The following MYRIP variants were observed in gnomAD, a reference collection of about 807,000 sequenced individuals.
MYRIP encodes myosin VIIA and Rab interacting protein.
Under a neutral mutation model 98.0 loss-of-function variants are expected in MYRIP, and 49 were observed. The ratio of observed to expected loss-of-function variants is 0.50; its 90% CI spans 0.40 to 0.63. The LOEUF (loss-of-function observed/expected upper bound fraction) is 0.63. Among genes scored for constraint, MYRIP ranks in the 30% least tolerant of loss-of-function variants. MYRIP has a pLI of 0.00. For missense variants in MYRIP, 1,004 were observed against 1,058.2 expected (o/e 0.95, Z 0.71); for synonymous variants, 404 against 409.5 (o/e 0.99, Z 0.16).
intron 1 of MYRIP, among the ~76,000 whole-genome samples, chr3:39,864,110 T>TA (rs1043057852): frequency 2.0e-5 from 3 of 152,104 alleles, no homozygotes. Context: ...CCCTTCATGC[T>TA]AAAAAATCTC....
chr3:39,820,523 T>C (rs992165467), intron 1 of MYRIP, among the ~76,000 whole-genome samples: 17 of 152,210 alleles, frequency 1.1e-4, no homozygotes, highest in Admixed American at 1.1e-3. Context: ...TCAGAAAATA[T>C]GGCAGGTGCT....
intron 2 of MYRIP, among the ~76,000 whole-genome samples, chr3:39,985,636 C>G (rs1475361711): frequency 7.0e-6 from 1 of 143,748 alleles, no homozygotes; most frequent in Non-Finnish European, 1.5e-5. Flanking sequence ...CAGAACAGAG[C>G]CCTCAGAAAT....
chr3:40,146,591 C>T (rs897316690), intron 3 of MYRIP, among the ~76,000 whole-genome samples: 18 of 152,164 alleles, frequency 1.2e-4, no homozygotes, highest in Non-Finnish European at 2.1e-4. Context: ...AGTTCATCCT[C>T]CCTGTTGAAA....
At chr3:40,101,171 C>T (rs1004747574) in intron 3 of MYRIP, among the ~76,000 whole-genome samples, 10 of 152,188 alleles carry the variant, frequency 6.6e-5, no homozygotes, top group Middle Eastern at 3.2e-3. Context: ...CTCCAACACT[C>T]AACACATACA....
At chr3:40,210,871 G>A (rs1286169912) in intron 11 of MYRIP, among the ~76,000 whole-genome samples, 1 of 152,134 alleles carries the variant, frequency 6.6e-6, no homozygotes, top group Non-Finnish European at 1.5e-5. Context: ...CAGCATTGGG[G>A]TTTCCTCTAC....
chr3:40,019,420 C>A (rs1946941442), intron 2 of MYRIP, among the ~76,000 whole-genome samples: 1 of 152,152 alleles, frequency 6.6e-6, no homozygotes, highest in African/African-American at 2.4e-5. Flanking sequence ...TCCTGCACAT[C>A]CTTCCTGGCC....
intron 2 of MYRIP, among the ~76,000 whole-genome samples, chr3:39,982,790 A>T (rs1281528643): frequency 6.6e-6 from 1 of 152,158 alleles, no homozygotes; most frequent in Admixed American, 6.6e-5. Context: ...TGAAAACAGA[A>T]TTTTGAAAAC....
chr3:39,958,458 G>T (rs1312425533), intron 2 of MYRIP, among the ~76,000 whole-genome samples: 1 of 152,108 alleles, frequency 6.6e-6, no homozygotes, highest in Non-Finnish European at 1.5e-5. Context: ...AATGGTGCTG[G>T]GAAAACTGGC....
chr3:40,141,366 A>G (rs1321261420), intron 3 of MYRIP, among the ~76,000 whole-genome samples: 1 of 152,140 alleles, frequency 6.6e-6, no homozygotes, highest in Non-Finnish European at 1.5e-5. Context: ...TGTCCGATTA[A>G]TAGTCTGCCA....
intron 10 of MYRIP, among the ~76,000 whole-genome samples, chr3:40,207,274 A>G (rs1951813051): frequency 6.6e-6 from 1 of 152,154 alleles, no homozygotes; most frequent in Admixed American, 6.6e-5. Context: ...TTCTACATCA[A>G]GAATGCCTGT....
At chr3:40,155,340 C>T (rs1575581607) in intron 4 of MYRIP, among the ~76,000 whole-genome samples, 2 of 150,432 alleles carry the variant, frequency 1.3e-5, no homozygotes, top group African/African-American at 4.9e-5. Flanking sequence ...TTTATGGCTG[C>T]ATAGTATTCC....
chr3:39,890,795 G>A (rs968622941), intron 1 of MYRIP, among the ~76,000 whole-genome samples: 18 of 152,128 alleles, frequency 1.2e-4, no homozygotes, highest in African/African-American at 4.3e-4. Context: ...ATGATTCCTT[G>A]TATAATTGTC....
intron 3 of MYRIP, 115 bp downstream of exon 3, chr3:40,044,386 C>T: frequency 9.9e-7 from 1 of 1,011,368 alleles, no homozygotes; most frequent in Non-Finnish European, 1.5e-6. Flanking sequence ...AGAGTATTGA[C>T]CAAAGTAAAT....
intron 3 of MYRIP, among the ~76,000 whole-genome samples, chr3:40,071,526 G>A (rs1389367607): frequency 6.6e-6 from 1 of 151,932 alleles, no homozygotes; most frequent in Non-Finnish European, 1.5e-5. Flanking sequence ...TCAGTAGAAA[G>A]GGAGCAATTG....
At chr3:39,875,015 C>T (rs1942941221) in intron 1 of MYRIP, among the ~76,000 whole-genome samples, 2 of 152,092 alleles carry the variant, frequency 1.3e-5, no homozygotes, top group African/African-American at 2.4e-5. Flanking sequence ...GCCACAATTT[C>T]GGATACTGTT....
chr3:40,192,311 T>TATATATATGAC lies in MYRIP; in HGVS notation c.1665+1856_1665+1857insGACATATATAT, dbSNP rs201298530. ...TTACTGCGGCAGTTAGTTTTCTTCA[T>TATATATATGAC]ATATATATATATATGTCATATATAT... On this transcript the variant is annotated intron_variant, in intron 10 of 16. Coordinates refer to ENST00000302541, the MANE Select transcript of MYRIP (RefSeq NM_015460.4). Among the ~76,000 whole-genome samples, 30 of 7,354 alleles carry TATATATATGAC rather than the reference T, an allele frequency of 4.1e-3. 6 individuals are homozygous for TATATATATGAC. Among genetic ancestry groups the TATATATATGAC allele is most frequent in the Non-Finnish European group, 0.01 (21 of 2,096 alleles). 4.8% of individuals were successfully genotyped at this position (7,354 alleles called of 152,430 possible).
intron 3 of MYRIP, among the ~76,000 whole-genome samples, chr3:40,098,042 C>G (rs944723804): frequency 6.6e-6 from 1 of 152,180 alleles, no homozygotes; most frequent in African/African-American, 2.4e-5. Context: ...GAGTTATTAG[C>G]ACTTTCACTA....
At chr3:40,072,643 T>C (rs1373099826) in intron 3 of MYRIP, among the ~76,000 whole-genome samples, 1 of 152,242 alleles carries the variant, frequency 6.6e-6, no homozygotes, top group African/African-American at 2.4e-5. Flanking sequence ...TTGTGGGTTA[T>C]TTAGCAGTGT....
At chr3:40,021,369 C>T (rs1310616572) in intron 2 of MYRIP, among the ~76,000 whole-genome samples, 1 of 152,142 alleles carries the variant, frequency 6.6e-6, no homozygotes, top group Non-Finnish European at 1.5e-5. Context: ...TTTACCTTTA[C>T]AAATATTCTC....
Sources: gnomAD v4.1 joint callset for allele counts (sites outside exome capture counted in the v4.1 genomes callset) on GRCh38, gnomAD v4.1.1 for gene constraint, MANE v1.5 for transcripts, NCBI Gene and HGNC (gene_info 2026-07-23, HGNC 2026-07-21) for gene names.